ADGRL3: variants seen among roughly 807,000 people sequenced by gnomAD.
ADGRL3 encodes the protein calcium-independent alpha-latrotoxin receptor 3.
ADGRL3 carries 62 observed loss-of-function variants against 153.5 expected under a neutral mutation model. The observed-to-expected ratio is 0.40, with a 90% confidence interval of 0.33 to 0.50. The LOEUF (loss-of-function observed/expected upper bound fraction) is 0.50. ADGRL3 is among the 20% of genes least tolerant of loss of function. The pLI is 0.47. For synonymous variants in ADGRL3, 710 were observed against 672.5 expected, an observed-to-expected ratio of 1.06 and a Z score of -0.86; for missense variants, 1,641 against 1,859.4, an observed-to-expected ratio of 0.88 and a Z score of 2.16.
intron 4 of ADGRL3, among the ~76,000 whole-genome samples, chr4:61,549,958 A>C (rs2148790399): frequency 6.6e-6 from 1 of 152,024 alleles, no homozygotes; most frequent in African/African-American, 2.4e-5. Flanking sequence ...TCTGTTTTTA[A>C]TCTTAGAAGT....
At chr4:61,261,250 T>G (rs2092494182) in intron 1 of ADGRL3, among the ~76,000 whole-genome samples, 1 of 149,930 alleles carries the variant, frequency 6.7e-6, no homozygotes. Context: ...CAGGCTGGTT[T>G]CAAACTCCTA....
At chr4:61,484,975 A>C (rs577202813) in intron 2 of ADGRL3, among the ~76,000 whole-genome samples, 2 of 152,330 alleles carry the variant, frequency 1.3e-5, no homozygotes, top group African/African-American at 4.8e-5. Flanking sequence ...TATTGATTTC[A>C]AAACCATAAA....
chr4:61,421,124 G>C (rs2097201592), intron 2 of ADGRL3, among the ~76,000 whole-genome samples: 1 of 152,150 alleles, frequency 6.6e-6, no homozygotes, highest in Admixed American at 6.5e-5. Flanking sequence ...CACGAGGTCA[G>C]GAGATCGAGA....
intron 2 of ADGRL3, among the ~76,000 whole-genome samples, chr4:61,476,628 G>A (rs2098059091): frequency 7.6e-6 from 1 of 131,500 alleles, no homozygotes; most frequent in Non-Finnish European, 1.6e-5. Flanking sequence ...AGAATCGCTT[G>A]AACCTGGGAG....
At chr4:61,790,919 C>G (rs1270841676) in intron 8 of ADGRL3, among the ~76,000 whole-genome samples, 2 of 152,138 alleles carry the variant, frequency 1.3e-5, no homozygotes, top group Non-Finnish European at 2.9e-5. Context: ...GAGACTTAGT[C>G]ACTACCATGA....
chr4:61,226,533 G>A (rs1577909918), intron 1 of ADGRL3, among the ~76,000 whole-genome samples: 1 of 152,148 alleles, frequency 6.6e-6, no homozygotes, highest in Non-Finnish European at 1.5e-5. Flanking sequence ...GGCATGAATA[G>A]TGGAAGAGAG....
chr4:61,984,119 T>A (rs1376795888), intron 19 of ADGRL3, among the ~76,000 whole-genome samples: 1 of 152,194 alleles, frequency 6.6e-6, no homozygotes, highest in East Asian at 1.9e-4. Context: ...AGCTTTAAAC[T>A]GTTAAGACAT....
intron 8 of ADGRL3, among the ~76,000 whole-genome samples, chr4:61,764,736 G>A (rs2152242540): frequency 6.6e-6 from 1 of 152,164 alleles, no homozygotes; most frequent in East Asian, 1.9e-4. Flanking sequence ...AAACAAAATA[G>A]TGTTGAAGTG....
chr4:61,405,998 A>G (rs2096990243), intron 2 of ADGRL3, among the ~76,000 whole-genome samples: 1 of 152,050 alleles, frequency 6.6e-6, no homozygotes, highest in Middle Eastern at 3.2e-3. Flanking sequence ...ATCACCAGGA[A>G]TAAACAAACT....
intron 18 of ADGRL3, among the ~76,000 whole-genome samples, chr4:61,981,468 C>G (rs967814739): frequency 3.3e-5 from 5 of 151,290 alleles, no homozygotes; most frequent in African/African-American, 1.2e-4. Flanking sequence ...CTTTAATTGC[C>G]AGCCTTGTAC....
intron 1 of ADGRL3, among the ~76,000 whole-genome samples, chr4:61,205,433 T>C (rs990578763): frequency 2.0e-5 from 3 of 152,216 alleles, no homozygotes; most frequent in Non-Finnish European, 2.9e-5. Context: ...AAAAGGATGA[T>C]CTGTCCTTAA....
chr4:62,034,232 AG>A (rs1723748391), intron 23 of ADGRL3, among the ~76,000 whole-genome samples: 1 of 151,890 alleles, frequency 6.6e-6, no homozygotes, highest in South Asian at 2.1e-4. Context: ...CCAGGAAGTC[AG>A]GAATGGTTAC....
intron 3 of ADGRL3, among the ~76,000 whole-genome samples, chr4:61,511,813 C>T (rs1413714951): frequency 6.6e-6 from 1 of 152,110 alleles, no homozygotes; most frequent in Non-Finnish European, 1.5e-5. Flanking sequence ...AGATTTACCC[C>T]TCTGTGTTAG....
intron 5 of ADGRL3, among the ~76,000 whole-genome samples, chr4:61,613,577 C>T (rs1301256283): frequency 6.6e-6 from 1 of 152,076 alleles, no homozygotes; most frequent in Non-Finnish European, 1.5e-5. Flanking sequence ...AACCCTGTCT[C>T]TACTAAAAAT....
intron 1 of ADGRL3, among the ~76,000 whole-genome samples, chr4:61,354,217 C>T (rs2096115977): frequency 6.6e-6 from 1 of 152,086 alleles, no homozygotes; most frequent in Non-Finnish European, 1.5e-5. Context: ...AATGGCTTGT[C>T]CTAGTTCTCA....
chr4:61,934,026 G>C (rs1306388493), intron 13 of ADGRL3: 2 of 152,154 alleles, frequency 1.3e-5, no homozygotes, highest in Non-Finnish European at 2.9e-5. Flanking sequence ...TGGAAGAACT[G>C]TTTTTCTTTT....
intron 1 of ADGRL3, among the ~76,000 whole-genome samples, chr4:61,315,329 T>G (rs920844887): frequency 3.9e-5 from 6 of 152,314 alleles, no homozygotes; most frequent in African/African-American, 1.4e-4. Context: ...TTTGCTTTTC[T>G]GCCCCATTTC....
chr4:61,952,109 A>C (rs935263946), intron 17 of ADGRL3, among the ~76,000 whole-genome samples: 22 of 152,182 alleles, frequency 1.4e-4, no homozygotes, highest in African/African-American at 5.3e-4. Flanking sequence ...TAGGGAAAGT[A>C]TTAATCTCCT....
intron 1 of ADGRL3, among the ~76,000 whole-genome samples, chr4:61,254,906 TGAC>T (rs2091812784): frequency 6.6e-6 from 1 of 152,172 alleles, no homozygotes; most frequent in South Asian, 2.1e-4. Context: ...TCCCTGCTGT[TGAC>T]CCAGTGCACA....
Sources: gnomAD v4.1 joint callset for allele counts (sites outside exome capture counted in the v4.1 genomes callset) on GRCh38, gnomAD v4.1.1 for gene constraint, MANE v1.5 for transcripts, NCBI Gene and HGNC (gene_info 2026-07-23, HGNC 2026-07-21) for gene names.